Variants in IRAK3 observed in about 807,000 individuals in gnomAD.
The protein encoded by IRAK3 is interleukin 1 receptor associated kinase 3, also known as interleukin-1 receptor-associated kinase 3.
A neutral mutation model predicts 56.6 loss-of-function variants in IRAK3; 57 were observed. The observed-to-expected ratio is 1.01, with a 90% CI of 0.81 to 1.26. The LOEUF is 1.26. IRAK3 is among the 50% of genes most tolerant of loss of function. The probability of loss-of-function intolerance (pLI) is 0.00; values close to 1 mark genes in which losing one functional copy is unlikely to be tolerated. For missense variants in IRAK3, 703 were observed against 719.0 expected (o/e 0.98, Z 0.25); for synonymous variants, 258 against 255.7 (o/e 1.01, Z -0.09).
chr12:66,205,055 T>C (rs916174759), intron 2 of IRAK3, among the ~76,000 whole-genome samples: 3 of 152,238 alleles, frequency 2.0e-5, no homozygotes, highest in African/African-American at 4.8e-5. Context: ...CTGGGAACTG[T>C]AAATGCAATG....
chr12:66,195,407 C>T (rs1379583720), intron 1 of IRAK3, among the ~76,000 whole-genome samples: 2 of 152,202 alleles, frequency 1.3e-5, no homozygotes, highest in African/African-American at 4.8e-5. Flanking sequence ...GCCTGTGATG[C>T]CTGTAAAGCA....
chr12:66,251,868 T>C lies in IRAK3; in HGVS notation c.*3697T>C, dbSNP rs2053103139. On this transcript the variant is annotated 3_prime_UTR_variant, in exon 12 of 12. Transcript: ENST00000261233. Reference sequence around the variant, plus strand: ...GCATCTACCCAAGTCAACAGTTCAGTGACATCTGTTATTTGAACCACACAC... The same window carrying C: ...GCATCTACCCAAGTCAACAGTTCAGCGACATCTGTTATTTGAACCACACAC... The C allele has an allele frequency of 6.6e-6, 1 of 152,208 alleles. No individual in the cohort carries two copies. The highest frequency in any genetic ancestry group is 2.1e-4 in the South Asian group (1 of 4,832). The allele number at this position is 152,208 out of a possible 1,614,324, so 9.4% of individuals were successfully genotyped here. A position where few individuals can be genotyped will look rare whatever the true frequency, so the allele number is the denominator to read the frequency against.
Position 66,252,810 on chromosome 12 carries a change from A to G in IRAK3, c.*4639A>G, listed in dbSNP as rs970992964. 3 of 152,174 alleles carry G rather than the reference A, an allele frequency of 2.0e-5. No individual in the cohort carries two copies. The highest frequency in any genetic ancestry group is 2.9e-5 in the Non-Finnish European group (2 of 68,056). 9.4% of individuals were successfully genotyped at this position (152,174 alleles called of 1,614,324 possible). A position where few individuals can be genotyped will look rare whatever the true frequency, so the allele number is the denominator to read the frequency against. On this transcript the variant is annotated 3_prime_UTR_variant, in exon 12 of 12. Coordinates refer to ENST00000261233, the MANE Select transcript of IRAK3 (RefSeq NM_007199.3). ...CATGGTGGACCTCACTTTGCTATTC[A>G]TATGCACTAAGTAGTTTATGGTGTG...
At chr12:66,200,566 G>T (rs2052497041) in intron 1 of IRAK3, among the ~76,000 whole-genome samples, 1 of 152,122 alleles carries the variant, frequency 6.6e-6, no homozygotes, top group Admixed American at 6.6e-5. Context: ...TAGAAAGAGG[G>T]CCAGTCATGG....
intron 8 of IRAK3, among the ~76,000 whole-genome samples, chr12:66,233,201 G>C (rs2052862356): frequency 6.6e-6 from 1 of 152,228 alleles, no homozygotes; most frequent in Admixed American, 6.5e-5. Context: ...TCATAGAAAA[G>C]GATAAGACAC....
At position 66,226,845 on chromosome 12, in the gene IRAK3, C is replaced by T. The variant is rs753809696; in HGVS notation, c.768+8C>T. On this transcript the variant is annotated splice_region_variant and intron_variant, in intron 7 of 11. Transcript: ENST00000261233. The stretch of plus-strand genomic sequence containing the variant: ...GACAGATTGCAGTGTGTAGTAAGTT[C>T]TATCTATTATTCTGTCTGATCCTCT... The T allele has an allele frequency of 4.8e-6, 7 of 1,444,782 alleles. No homozygotes were observed. The East Asian group carries it at 1.4e-4, about 28-fold the overall frequency. The allele number at this position is 1,444,782 out of a possible 1,614,324, so 89.5% of individuals were successfully genotyped here.
chr12:66,228,991 T>C (rs577990561), intron 8 of IRAK3, among the ~76,000 whole-genome samples: 25 of 152,330 alleles, frequency 1.6e-4, no homozygotes, highest in African/African-American at 6.0e-4. Flanking sequence ...AGCATCTGTA[T>C]TTTAGTAATT....
chr12:66,220,335 C>A (rs1168646), intron 6 of IRAK3, among the ~76,000 whole-genome samples: 4,893 of 150,314 alleles, frequency 0.033, 143 homozygotes, highest in Non-Finnish European at 0.048. Flanking sequence ...TCTTGGTGCC[C>A]TTTTCAAAGA....
At chr12:66,196,636 A>G (rs892835757) in intron 1 of IRAK3, among the ~76,000 whole-genome samples, 46 of 152,194 alleles carry the variant, frequency 3.0e-4, no homozygotes, top group African/African-American at 1.1e-3. Context: ...CTACTCAGGC[A>G]TGGGGTAAAA....
At chr12:66,194,595 A>G (rs2052431708) in intron 1 of IRAK3, among the ~76,000 whole-genome samples, 1 of 152,156 alleles carries the variant, frequency 6.6e-6, no homozygotes. Flanking sequence ...TGGGAGGCTG[A>G]GGCGGGTGGA....
At chr12:66,237,360 CATT>C (rs1159827576) in intron 8 of IRAK3, among the ~76,000 whole-genome samples, 4 of 152,182 alleles carry the variant, frequency 2.6e-5, no homozygotes. Context: ...GTGCAGCTCT[CATT>C]ATTCAGACTT....
intron 6 of IRAK3, among the ~76,000 whole-genome samples, chr12:66,225,121 C>T (rs2052772250): frequency 6.6e-6 from 1 of 152,032 alleles, no homozygotes; most frequent in African/African-American, 2.4e-5. Flanking sequence ...GAGAGTAGAG[C>T]ACCAGGCCGT....
intron 1 of IRAK3, chr12:66,197,118 T>G: frequency 7.7e-7 from 1 of 1,305,316 alleles, no homozygotes; most frequent in Non-Finnish European, 9.7e-7. Context: ...TTAGGTTGAC[T>G]TTTTGGCTTA....
chr12:66,231,768 G>A (rs565420554), intron 8 of IRAK3, among the ~76,000 whole-genome samples: 3 of 152,332 alleles, frequency 2.0e-5, no homozygotes, highest in South Asian at 2.1e-4. Flanking sequence ...GAAAGGACAA[G>A]GTTGGAGAAT....
chr12:66,237,394 C>T (rs561806393), intron 8 of IRAK3, among the ~76,000 whole-genome samples: 50 of 152,282 alleles, frequency 3.3e-4, no homozygotes, highest in Middle Eastern at 3.4e-3. Context: ...GAGCTAAAAT[C>T]CTGTGACTTG....
chr12:66,217,143 T>TGTAGGAGAAAAA, intron 5 of IRAK3, 28 bp from the exon 6 acceptor site: 1 of 1,515,068 alleles, frequency 6.6e-7, no homozygotes, highest in Non-Finnish European at 9.2e-7. Context: ...CTTTCCTTAA[T>TGTAGGAGAAAAA]TTTGTTCTTG....
At chr12:66,245,340 A>G in intron 11 of IRAK3, 78 bp downstream of exon 11, 1 of 1,436,992 alleles carries the variant, frequency 7.0e-7, no homozygotes, top group South Asian at 1.2e-5. Context: ...TTGTGTATCT[A>G]AGTGAATTAT....
Position 66,254,453 on chromosome 12 carries a change from G to T in IRAK3, c.*6282G>T, listed in dbSNP as rs1329505686. ...TCATTTATAACATTGAATATTTTAAGATAATGTATGTTTCATAGAGAGATC... is the reference window on the plus strand; with the variant it reads ...TCATTTATAACATTGAATATTTTAATATAATGTATGTTTCATAGAGAGATC... On this transcript the variant is annotated 3_prime_UTR_variant, in exon 12 of 12. Transcript: ENST00000261233. 1 of 151,832 alleles carries T rather than the reference G, an allele frequency of 6.6e-6. No individual in the cohort carries two copies. The highest frequency in any genetic ancestry group is 2.4e-5 in the African/African-American group (1 of 41,328). 9.4% of individuals were successfully genotyped at this position (151,832 alleles called of 1,614,324 possible). A position where few individuals can be genotyped will look rare whatever the true frequency, so the allele number is the denominator to read the frequency against.
chr12:66,220,384 T>A (rs1312172481), intron 6 of IRAK3, among the ~76,000 whole-genome samples: 1 of 151,990 alleles, frequency 6.6e-6, no homozygotes, highest in Non-Finnish European at 1.5e-5. Flanking sequence ...TTCTGTTATT[T>A]TTTTTTTTAA....
Sources: allele counts gnomAD v4.1 joint callset (sites outside exome capture counted in the v4.1 genomes callset), GRCh38; gene constraint gnomAD v4.1.1; transcripts MANE v1.5; gene names NCBI Gene and HGNC (gene_info 2026-07-23, HGNC 2026-07-21).